DIP2C: variants seen among roughly 807,000 people sequenced by gnomAD.
DIP2C encodes disco-interacting protein 2 homolog C.
DIP2C carries 33 observed loss-of-function variants against 192.4 expected under a neutral mutation model. That is an observed-to-expected ratio of 0.17 (90% CI 0.13 to 0.23). The LOEUF is 0.23. Ranked by LOEUF, DIP2C falls within the 10% of genes least tolerant of loss-of-function variation. The pLI, the probability that DIP2C is intolerant of heterozygous loss-of-function variation, is 1.00. For missense variants in DIP2C, 1,537 were observed against 2,110.1 expected (o/e 0.73, Z 5.32); for synonymous variants, 979 against 864.1 (o/e 1.13, Z -2.33).
intron 1 of DIP2C, among the ~76,000 whole-genome samples, chr10:527,987 T>TC (rs1387206245): frequency 6.6e-6 from 1 of 151,582 alleles, no homozygotes; most frequent in Non-Finnish European, 1.5e-5. Context: ...ACCCTAAGCC[T>TC]CCCCCGCCAG....
intron 1 of DIP2C, among the ~76,000 whole-genome samples, chr10:588,164 C>G (rs1349206809): frequency 1.0e-5 from 1 of 97,580 alleles, no homozygotes; most frequent in South Asian, 4.8e-4. Flanking sequence ...CAGGCACTGC[C>G]TCAGCCCTGA....
At chr10:341,739 T>C (rs1467191388) in intron 28 of DIP2C, among the ~76,000 whole-genome samples, 1 of 152,202 alleles carries the variant, frequency 6.6e-6, no homozygotes, top group African/African-American at 2.4e-5. Context: ...GCTGGCCTGG[T>C]GCAGTGGCTC....
chr10:378,626 C>G (rs536089306), intron 17 of DIP2C, among the ~76,000 whole-genome samples: 1 of 147,274 alleles, frequency 6.8e-6, no homozygotes, highest in African/African-American at 2.5e-5. Flanking sequence ...TAAAGACACA[C>G]GAACACAGAC....
At chr10:616,976 C>T (rs896449143) in intron 1 of DIP2C, among the ~76,000 whole-genome samples, 3 of 152,092 alleles carry the variant, frequency 2.0e-5, no homozygotes, top group African/African-American at 4.8e-5. Context: ...ACTGAGACTC[C>T]GTGATTTAAG....
chr10:357,949 C>CA lies in DIP2C; in HGVS notation c.2795-13dup, dbSNP rs1959166148. ...GGCAGGGCCGATTTCTAGAAAGAAA[C>CA]AGAGACATGGCCATGAGGAAACAAA... On this transcript the variant is annotated splice_polypyrimidine_tract_variant and intron_variant, in intron 22 of 36. Transcript: ENST00000280886. The CA allele has an allele frequency of 1.9e-6, 3 of 1,594,380 alleles. No homozygotes were observed. Among genetic ancestry groups the CA allele is most frequent in the Non-Finnish European group, 2.6e-6 (3 of 1,163,494 alleles).
In DIP2C at chr10:651,493, T is replaced by C; in HGVS notation, c.85+38001A>G. 1 of 589,152 alleles carries C rather than the reference T, an allele frequency of 1.7e-6. No homozygotes were observed. The highest frequency in any genetic ancestry group is 3.1e-6 in the Non-Finnish European group (1 of 322,088). The allele number at this position is 589,152 out of a possible 1,614,324, so 36.5% of individuals were successfully genotyped here. On this transcript the variant is annotated intron_variant, in intron 1 of 36. Coordinates refer to ENST00000280886, the MANE Select transcript of DIP2C (RefSeq NM_014974.3). The surrounding 1 kb of genome is among the most constrained non-coding windows in gnomAD (Gnocchi z 4.1). ...TGTATGAGTAACAATTACAATTATA[T>C]GAAAATCCGTATCCACGTGAAGGTA...
chr10:419,646 T>C (rs924232908), intron 5 of DIP2C, among the ~76,000 whole-genome samples: 1 of 152,148 alleles, frequency 6.6e-6, no homozygotes, highest in African/African-American at 2.4e-5. Context: ...AGTTTCTTCG[T>C]CAAATGGGAA....
At chr10:344,726 G>T in intron 28 of DIP2C, 83 bp downstream of exon 28, 1 of 1,158,166 alleles carries the variant, frequency 8.6e-7, no homozygotes, top group Non-Finnish European at 1.3e-6. Flanking sequence ...CACGAGAGGC[G>T]CTGAGAGCCA....
At chr10:327,529 G>A (rs549574298) in intron 30 of DIP2C, among the ~76,000 whole-genome samples, 1 of 152,262 alleles carries the variant, frequency 6.6e-6, no homozygotes, top group Non-Finnish European at 1.5e-5. Context: ...TTCTGGGCAT[G>A]GATGTACCAG....
At chr10:400,326 G>A (rs1051545130) in intron 9 of DIP2C, among the ~76,000 whole-genome samples, 4 of 151,798 alleles carry the variant, frequency 2.6e-5, no homozygotes, top group African/African-American at 9.7e-5. Flanking sequence ...TGCCTGGCCA[G>A]TATGTTTTCT....
At chr10:337,315 G>GCA (rs1957869940) in intron 29 of DIP2C, among the ~76,000 whole-genome samples, 1 of 11,042 alleles carries the variant, frequency 9.1e-5, no homozygotes, top group East Asian at 3.4e-3. Flanking sequence ...GTGTGTGTGT[G>GCA]CACGTGTGTT....
At chr10:482,484 CACAG>C (rs1843679713) in intron 2 of DIP2C, among the ~76,000 whole-genome samples, 1 of 152,186 alleles carries the variant, frequency 6.6e-6, no homozygotes, top group Non-Finnish European at 1.5e-5. Flanking sequence ...GGCTGTGCCG[CACAG>C]ACAAACCCCC....
At chr10:603,868 T>C (rs112639895) in intron 1 of DIP2C, among the ~76,000 whole-genome samples, 6,482 of 152,184 alleles carry the variant, frequency 0.043, 186 homozygotes, top group East Asian at 0.15. Flanking sequence ...GAGGCCACCA[T>C]GCAGCTTGGC....
At chr10:306,206 A>T (rs188185693) in intron 32 of DIP2C, among the ~76,000 whole-genome samples, 3 of 151,894 alleles carry the variant, frequency 2.0e-5, no homozygotes, top group Admixed American at 2.0e-4. Context: ...AAGCAGGGAG[A>T]GTGTGTCCCC....
chr10:360,636 C>G (rs887792004), intron 22 of DIP2C, among the ~76,000 whole-genome samples: 2 of 151,968 alleles, frequency 1.3e-5, no homozygotes, highest in African/African-American at 4.8e-5. Context: ...TCCTGCTATT[C>G]GGGGGCAATA....
rs139871884 is a variant in DIP2C, at chr10:288,257, T to C, written c.4044+107A>G. The C allele has an allele frequency of 6.3e-4, 703 of 1,110,310 alleles. 6 individuals are homozygous for C. In the East Asian group the frequency reaches 0.014, roughly 23 times the overall value. 68.8% of individuals were successfully genotyped at this position (1,110,310 alleles called of 1,614,324 possible). ...TCACTGATATGTTACTTTCAAGAAA[T>C]TGTTTTGGAAAAAACATTCTAAAAA... is the stretch of plus-strand genomic sequence containing the variant. On this transcript the variant is annotated intron_variant, in intron 33 of 36. Transcript: ENST00000280886.
At chr10:365,093 G>T in intron 19 of DIP2C, 7 of 480,034 alleles carry the variant, frequency 1.5e-5, no homozygotes, top group Non-Finnish European at 2.6e-5. Context: ...CTCCACCCTT[G>T]CAGATAAACC....
chr10:582,212 G>A (rs1300118596), intron 1 of DIP2C, among the ~76,000 whole-genome samples: 2 of 152,276 alleles, frequency 1.3e-5, no homozygotes, highest in Admixed American at 1.3e-4. Flanking sequence ...GCAGCCCAGG[G>A]CTAAGCCCTA....
At chr10:606,945 C>A (rs905220977) in intron 1 of DIP2C, among the ~76,000 whole-genome samples, 1 of 152,208 alleles carries the variant, frequency 6.6e-6, no homozygotes. Flanking sequence ...ACTAGGCAGC[C>A]AGGACGCACA....
Sources: allele counts gnomAD v4.1 joint callset (sites outside exome capture counted in the v4.1 genomes callset), GRCh38; gene constraint gnomAD v4.1.1; non-coding constraint Gnocchi (gnomAD v3.1); transcripts MANE v1.5; gene names NCBI Gene and HGNC (gene_info 2026-07-23, HGNC 2026-07-21).